The following PLCE1 variants were observed in gnomAD, a reference collection of about 807,000 sequenced individuals.
The protein encoded by PLCE1 is 1-phosphatidylinositol 4,5-bisphosphate phosphodiesterase epsilon-1.
PLCE1 carries 119 observed loss-of-function variants against 242.8 expected under a neutral mutation model. That is an observed-to-expected ratio of 0.49 (90% CI 0.42 to 0.57). The LOEUF is 0.57. Among genes scored for constraint, PLCE1 ranks in the 20% least tolerant of loss-of-function variants. The probability of loss-of-function intolerance (pLI) is 0.00; values close to 1 mark genes in which losing one functional copy is unlikely to be tolerated. For synonymous variants in PLCE1, 945 were observed against 1,017.4 expected (o/e 0.93, Z 1.35); for missense variants, 2,441 against 2,788.8 (o/e 0.88, Z 2.81).
chr10:94,308,744 C>T, intron 27 of PLCE1, 45 bp downstream of exon 27: 1 of 1,293,194 alleles, frequency 7.7e-7, no homozygotes, highest in Non-Finnish European at 1.1e-6. Flanking sequence ...GGGATTGCTA[C>T]ACTGAAGGTG....
intron 3 of PLCE1, among the ~76,000 whole-genome samples, chr10:94,135,577 T>C (rs2046745105): frequency 6.6e-6 from 1 of 152,234 alleles, no homozygotes; most frequent in Non-Finnish European, 1.5e-5. Context: ...CTTAGAACAC[T>C]TTCCTGGATA....
At position 94,234,075 on chromosome 10, in the gene PLCE1, G is replaced by A. The variant is rs2050235876; in HGVS notation, c.1977G>A (p.Met659Ile). The A allele has an allele frequency of 6.2e-7, 1 of 1,613,854 alleles. No individual in the cohort carries two copies. The highest frequency in any genetic ancestry group is 1.7e-5 in the Admixed American group (1 of 60,006). ...AGLRSRKVLK[M>I]WQFMDQSDIE... Reference sequence around the variant, plus strand: ...ATAGGTCAAGAAAAGTTTTAAAAATGTGGCAGTTCATGGACCAGTCTGATA... The same window carrying A: ...ATAGGTCAAGAAAAGTTTTAAAAATATGGCAGTTCATGGACCAGTCTGATA... Residue 659 changes from methionine (M) to isoleucine (I), a missense_variant, in exon 6 of 33, where the codon ATG (methionine) becomes ATA (isoleucine). By Grantham distance (10) the Met-to-Ile change is conservative (BLOSUM62 1). Transcript: ENST00000371380.
At chr10:94,255,129 T>C in intron 11 of PLCE1, 80 bp downstream of exon 11, 1 of 1,481,754 alleles carries the variant, frequency 6.7e-7, no homozygotes, top group Admixed American at 1.7e-5. Flanking sequence ...TACAGTTGTC[T>C]ATGGAAAGAC....
At chr10:94,210,423 C>G (rs550528262) in intron 4 of PLCE1, among the ~76,000 whole-genome samples, 7 of 152,246 alleles carry the variant, frequency 4.6e-5, no homozygotes, top group African/African-American at 1.7e-4. Context: ...GTCACTTTTA[C>G]AGGAACTGTC....
At chr10:94,229,609 A>T (rs2050073765) in intron 5 of PLCE1, among the ~76,000 whole-genome samples, 1 of 152,188 alleles carries the variant, frequency 6.6e-6, no homozygotes, top group African/African-American at 2.4e-5. Flanking sequence ...CATGTTCTAG[A>T]TTCTCTTATT....
chr10:94,269,864 A>G (rs2051662558), intron 17 of PLCE1, among the ~76,000 whole-genome samples: 1 of 152,226 alleles, frequency 6.6e-6, no homozygotes, highest in Non-Finnish European at 1.5e-5. Context: ...TGAGTTATGC[A>G]ATTACTACCT....
At chr10:94,006,197 C>T (rs528451650) in intron 1 of PLCE1, among the ~76,000 whole-genome samples, 1 of 152,202 alleles carries the variant, frequency 6.6e-6, no homozygotes, top group Non-Finnish European at 1.5e-5. Flanking sequence ...GTAAAATGGA[C>T]ATAGTCATAG....
At chr10:94,163,360 T>G (rs540343556) in intron 3 of PLCE1, among the ~76,000 whole-genome samples, 1 of 152,340 alleles carries the variant, frequency 6.6e-6, no homozygotes, top group South Asian at 2.1e-4. Flanking sequence ...TGCACATGTA[T>G]TTAGGATAGT....
chr10:94,284,854 G>A lies in PLCE1; in HGVS notation c.4924G>A (p.Asp1642Asn), dbSNP rs886047504. The A allele has an allele frequency of 1.3e-6, 2 of 1,567,112 alleles. No individual in the cohort carries two copies. The highest frequency in any genetic ancestry group is 8.8e-7 in the Non-Finnish European group (1 of 1,137,182). ...NSACNKGKVY[D>N]MELGEEFYLD... Reference sequence around the variant, plus strand: ...ATCATTTTTCCCTTACCAGGTTTATGATATGGAACTGGGAGAAGAATTTTA... The same window carrying A: ...ATCATTTTTCCCTTACCAGGTTTATAATATGGAACTGGGAGAAGAATTTTA... Residue 1642 changes from aspartate (D) to asparagine (N), a missense_variant, in exon 22 of 33, where the codon GAT becomes AAT. This residue lies in a region of PLCE1 where 1,004 missense variants were observed against 1,322.7 expected (regional missense o/e 0.76). Transcript: ENST00000371380.
At chr10:94,141,428 A>C (rs1055383086) in intron 3 of PLCE1, among the ~76,000 whole-genome samples, 1 of 152,102 alleles carries the variant, frequency 6.6e-6, no homozygotes, top group African/African-American at 2.4e-5. Flanking sequence ...CTAATTCTCC[A>C]TAAAGTTTTG....
At chr10:94,160,743 A>G (rs145925966) in intron 3 of PLCE1, among the ~76,000 whole-genome samples, 13 of 151,642 alleles carry the variant, frequency 8.6e-5, no homozygotes, top group Non-Finnish European at 1.6e-4. Flanking sequence ...TAGGGTTTTT[A>G]TGGTTTTAGG....
chr10:94,024,178 A>G (rs929358006), intron 1 of PLCE1, among the ~76,000 whole-genome samples: 11 of 152,168 alleles, frequency 7.2e-5, no homozygotes, highest in African/African-American at 2.7e-4. Flanking sequence ...GTTTTCTTTA[A>G]TCTCTTTGCT....
intron 11 of PLCE1, among the ~76,000 whole-genome samples, chr10:94,256,412 A>G (rs972523590): frequency 6.6e-6 from 1 of 151,948 alleles, no homozygotes; most frequent in Non-Finnish European, 1.5e-5. Flanking sequence ...ATTATCTTTT[A>G]AATAAAAATT....
intron 3 of PLCE1, among the ~76,000 whole-genome samples, chr10:94,167,230 C>T (rs933238605): frequency 2.6e-5 from 4 of 151,838 alleles, no homozygotes; most frequent in Admixed American, 6.6e-5. Flanking sequence ...GGCGGCGGTT[C>T]GTGCCACTGC....
At chr10:94,154,956 A>T (rs534131068) in intron 3 of PLCE1, among the ~76,000 whole-genome samples, 121 of 72,758 alleles carry the variant, frequency 1.7e-3, no homozygotes, top group Non-Finnish European at 3.6e-3. Flanking sequence ...AGGATAGATA[A>T]TTGGGGGAAA....
At chr10:94,037,044 G>A (rs182355879) in intron 2 of PLCE1, among the ~76,000 whole-genome samples, 1 of 152,288 alleles carries the variant, frequency 6.6e-6, no homozygotes, top group Admixed American at 6.5e-5. Flanking sequence ...CATCAGTCTA[G>A]AAAAGCTATA....
chr10:94,118,239 A>G (rs1251021757), intron 2 of PLCE1, among the ~76,000 whole-genome samples: 1 of 151,476 alleles, frequency 6.6e-6, no homozygotes, highest in African/African-American at 2.4e-5. Flanking sequence ...ATTTCCATGG[A>G]GTTCTTTGAC....
In PLCE1 at chr10:94,192,631, C is replaced by G. The variant is rs192914876; in HGVS notation, c.1809+21135C>G. ...TGTTTTCCTATTGTAAATAGTGCTG[C>G]AATTAACATGCAAGTGCATGTGTCT... On this transcript the variant is annotated intron_variant, in intron 4 of 32. Coordinates refer to ENST00000371380, the MANE Select transcript of PLCE1 (RefSeq NM_016341.4). Among the ~76,000 whole-genome samples the G allele has an allele frequency of 4.1e-4, 62 of 152,254 alleles. 1 individual carries two copies. The highest frequency in any genetic ancestry group is 1.4e-3 in the African/African-American group (57 of 41,546).
intron 2 of PLCE1, among the ~76,000 whole-genome samples, chr10:94,068,566 G>A (rs2044264192): frequency 6.6e-6 from 1 of 152,074 alleles, no homozygotes; most frequent in African/African-American, 2.4e-5. Flanking sequence ...TGTGGATTTG[G>A]GTATCTGAGG....
Sources: allele counts gnomAD v4.1 joint callset (sites outside exome capture counted in the v4.1 genomes callset), GRCh38; gene constraint gnomAD v4.1.1; regional missense constraint gnomAD v4.1.1; transcripts MANE v1.5; gene names NCBI Gene and HGNC (gene_info 2026-07-23, HGNC 2026-07-21).